Variants in PTPN3 observed in about 807,000 individuals in gnomAD.
The protein encoded by PTPN3 is protein tyrosine phosphatase non-receptor type 3.
In PTPN3, 96 loss-of-function variants were observed where a neutral mutation model predicts 132.7. That is an observed-to-expected ratio of 0.72 (90% CI 0.61 to 0.86). The LOEUF is 0.86. PTPN3 is among the 40% of genes least tolerant of loss of function. The pLI, the probability that PTPN3 is intolerant of heterozygous loss-of-function variation, is 0.00. For synonymous variants in PTPN3, 398 were observed against 429.0 expected (o/e 0.93, Z 0.89); for missense variants, 1,125 against 1,159.6 (o/e 0.97, Z 0.43).
At chr9:109,494,532 C>T (rs181654155) in intron 1 of PTPN3, among the ~76,000 whole-genome samples, 1 of 152,242 alleles carries the variant, frequency 6.6e-6, no homozygotes, top group Admixed American at 6.5e-5. Flanking sequence ...GTTTTGCCTG[C>T]CCTAAATGCC....
At chr9:109,532,387 T>C in the PTPN3 span, among the ~76,000 whole-genome samples, 1 of 152,206 alleles carries the variant, frequency 6.6e-6, no homozygotes, top group Admixed American at 6.5e-5. Context: ...CTGTACAAAG[T>C]AATCCCATTG....
chr9:109,479,252 A>G (rs1275879117), intron 1 of PTPN3, among the ~76,000 whole-genome samples: 1 of 152,138 alleles, frequency 6.6e-6, no homozygotes, highest in East Asian at 1.9e-4. Context: ...GAATTTGCCT[A>G]GTCTAGATAC....
At chr9:109,536,015 C>G in the PTPN3 span, among the ~76,000 whole-genome samples, 1 of 152,302 alleles carries the variant, frequency 6.6e-6, no homozygotes, top group African/African-American at 2.4e-5. Flanking sequence ...GAAGCAGTCA[C>G]TCCCCATTCT....
intron 19 of PTPN3, among the ~76,000 whole-genome samples, chr9:109,402,654 T>C (rs1006207065): frequency 2.0e-5 from 3 of 152,258 alleles, no homozygotes; most frequent in African/African-American, 7.2e-5. Context: ...TTTCCCTTTG[T>C]AGAATACTCA....
chr9:109,471,533 T>G (rs1846379805), intron 1 of PTPN3, among the ~76,000 whole-genome samples: 2 of 152,164 alleles, frequency 1.3e-5, no homozygotes, highest in Non-Finnish European at 2.9e-5. Flanking sequence ...CTGAAGAAAT[T>G]TAACTGATAA....
chr9:109,421,018 T>C (rs1842861441), intron 13 of PTPN3, among the ~76,000 whole-genome samples: 1 of 152,204 alleles, frequency 6.6e-6, no homozygotes, highest in Admixed American at 6.5e-5. Context: ...CAAACTACAT[T>C]TCTCAGCAAA....
rs547080076 is a variant in PTPN3, at chr9:109,451,229, T to C, written c.369-2374A>G. The C allele has an allele frequency of 4.3e-6, 4 of 933,108 alleles. No homozygotes were observed. In the African/African-American group the frequency reaches 7.2e-5, roughly 17 times the overall value. The allele number at this position is 933,108 out of a possible 1,614,324, so 57.8% of individuals were successfully genotyped here. On this transcript the variant is annotated intron_variant, in intron 5 of 25. Transcript: ENST00000374541. ...CATAGCAAGACCCTGTTTCAAAAAA[T>C]ATATATATATATCTGGCAGTCCTGG...
intron 1 of PTPN3, among the ~76,000 whole-genome samples, chr9:109,489,716 A>G (rs866829693): frequency 2.6e-5 from 4 of 152,050 alleles, no homozygotes; most frequent in Admixed American, 2.6e-4. Flanking sequence ...CCCCTCATCA[A>G]ACATTCCATT....
chr9:109,391,870 TG>T (rs367927103), intron 19 of PTPN3, among the ~76,000 whole-genome samples: 3,102 of 29,406 alleles, frequency 0.11, 180 homozygotes, highest in Middle Eastern at 0.16. Context: ...CAACTAGATG[TG>T]GGGGGGGGGG....
intron 1 of PTPN3, among the ~76,000 whole-genome samples, chr9:109,470,392 T>G (rs974625888): frequency 4.6e-5 from 7 of 152,196 alleles, no homozygotes; most frequent in African/African-American, 1.7e-4. Flanking sequence ...GCTTTCCTAC[T>G]GCTGTTGGTA....
the PTPN3 span, among the ~76,000 whole-genome samples, chr9:109,515,111 C>T: frequency 6.6e-6 from 1 of 152,148 alleles, no homozygotes; most frequent in Non-Finnish European, 1.5e-5. Context: ...CAGCCTCAAC[C>T]TTCCGGGGCC....
intron 22 of PTPN3, among the ~76,000 whole-genome samples, chr9:109,386,720 C>T (rs1839611127): frequency 6.6e-6 from 1 of 152,180 alleles, no homozygotes; most frequent in Non-Finnish European, 1.5e-5. Flanking sequence ...AATACACCTG[C>T]ACAGAAGGTA....
At chr9:109,470,342 T>C (rs967143165) in intron 1 of PTPN3, among the ~76,000 whole-genome samples, 1 of 152,148 alleles carries the variant, frequency 6.6e-6, no homozygotes, top group African/African-American at 2.4e-5. Flanking sequence ...CAAGCAACAA[T>C]CACTCGCATT....
intron 7 of PTPN3, among the ~76,000 whole-genome samples, chr9:109,439,724 C>A (rs1376163555): frequency 6.6e-6 from 1 of 152,172 alleles, no homozygotes; most frequent in Non-Finnish European, 1.5e-5. Flanking sequence ...GCCTAGCCAA[C>A]ATGGTGAAAC....
At chr9:109,426,839 C>T in intron 12 of PTPN3, 111 bp downstream of exon 12, 1 of 1,203,290 alleles carries the variant, frequency 8.3e-7, no homozygotes, top group Non-Finnish European at 1.2e-6. Context: ...ATGCCTGGAG[C>T]CCCTGGGCTA....
chr9:109,479,723 G>A (rs1263776117), intron 1 of PTPN3, among the ~76,000 whole-genome samples: 1 of 152,196 alleles, frequency 6.6e-6, no homozygotes, highest in Non-Finnish European at 1.5e-5. Context: ...GGGACTACAA[G>A]TGTGTGCCAC....
At chr9:109,523,470 T>A in the PTPN3 span, among the ~76,000 whole-genome samples, 1 of 144,218 alleles carries the variant, frequency 6.9e-6, no homozygotes, top group East Asian at 2.1e-4. Flanking sequence ...TACCACCTGG[T>A]ACAAGAATGC....
At chr9:109,383,356 C>T (rs1254583926) in intron 23 of PTPN3, 67 bp downstream of exon 23, 2 of 1,612,900 alleles carry the variant, frequency 1.2e-6, no homozygotes, top group East Asian at 4.5e-5. Flanking sequence ...AGCGTGACCA[C>T]CTGGGATGAC....
Position 109,395,702 on chromosome 9 carries a change from G to A in PTPN3, c.1954-4141C>T, listed in dbSNP as rs1588316050. 2.6e-5 allele frequency among the ~76,000 whole-genome samples: 4 copies of A among 152,200 alleles called. No individual in the cohort carries two copies. The South Asian group carries it at 8.3e-4, about 32-fold the overall frequency. On this transcript the variant is annotated intron_variant, in intron 19 of 25. Coordinates refer to ENST00000374541, the MANE Select transcript of PTPN3 (RefSeq NM_002829.4). ...CTTGGGAGGCTGAGGTGGGAGGATT[G>A]CTTGAGCCTGGGAGGTGGAGGTTGC...
Sources: allele counts gnomAD v4.1 joint callset (sites outside exome capture counted in the v4.1 genomes callset), GRCh38; gene constraint gnomAD v4.1.1; transcripts MANE v1.5; gene names NCBI Gene and HGNC (gene_info 2026-07-23, HGNC 2026-07-21).